Variants in OTOGL observed in about 807,000 individuals in gnomAD.
The protein encoded by OTOGL is otogelin-like protein.
A neutral mutation model predicts 318.5 loss-of-function variants in OTOGL; 285 were observed. That is an observed-to-expected ratio of 0.89 (90% CI 0.81 to 0.99). OTOGL has a LOEUF of 0.99. OTOGL is among the 50% of genes least tolerant of loss of function. The pLI is 0.00. For missense variants in OTOGL, 2,899 were observed against 2,845.6 expected, an observed-to-expected ratio of 1.02 and a Z score of -0.43; for synonymous variants, 987 against 936.5, an observed-to-expected ratio of 1.05 and a Z score of -0.99.
chr12:80,186,996 T>C (rs2137252304), intron 1 of OTOGL, among the ~76,000 whole-genome samples: 1 of 152,212 alleles, frequency 6.6e-6, no homozygotes, highest in South Asian at 2.1e-4. Context: ...AGATTGTTTG[T>C]TTATGGAGAT....
chr12:80,249,763 C>G (rs1881321691), intron 11 of OTOGL, among the ~76,000 whole-genome samples: 1 of 152,184 alleles, frequency 6.6e-6, no homozygotes, highest in Non-Finnish European at 1.5e-5. Context: ...CCTCCCCCAG[C>G]CTCGCTGCCG....
At chr12:80,294,235 T>C (rs548467923) in intron 26 of OTOGL, among the ~76,000 whole-genome samples, 5 of 152,114 alleles carry the variant, frequency 3.3e-5, no homozygotes, top group African/African-American at 1.2e-4. Flanking sequence ...ATTGCTATTG[T>C]TACAAATTAC....
chr12:80,356,581 A>C, intron 48 of OTOGL, 61 bp downstream of exon 48: 1 of 1,288,816 alleles, frequency 7.8e-7, no homozygotes, highest in Non-Finnish European at 1.1e-6. Context: ...ACAGTGAATT[A>C]GATTCTCATT....
At chr12:80,307,105 A>C (rs1335969283) in intron 29 of OTOGL, among the ~76,000 whole-genome samples, 2 of 150,640 alleles carry the variant, frequency 1.3e-5, no homozygotes. Context: ...CACATGTTTC[A>C]GAGAGCACAG....
chr12:80,278,252 G>A lies in OTOGL; in HGVS notation c.2766G>A (p.Val922=). 4 of 1,543,828 alleles carry A rather than the reference G, an allele frequency of 2.6e-6. No homozygotes were observed. Among genetic ancestry groups the A allele is most frequent in the Non-Finnish European group, 3.5e-6 (4 of 1,141,614 alleles). Residue 922 remains valine, a synonymous_variant, in exon 25 of 59, where the codon GTG becomes GTA. Transcript: ENST00000547103. Reference sequence around the variant, plus strand: ...ATTGGGAGTATCTCTCAGGAGAAGTGATTGCTACACCGTGTTACACCTGGT... The same window carrying A: ...ATTGGGAGTATCTCTCAGGAGAAGTAATTGCTACACCGTGTTACACCTGGT... ...WKDWEYLSGE[V]IATPCYTCVC...
At position 80,333,049 on chromosome 12, in the gene OTOGL, C is replaced by T; in HGVS notation, c.4393C>T (p.Leu1465=). 6.2e-7 allele frequency: 1 copy of T among 1,602,060 alleles called. No homozygotes were observed. The highest frequency in any genetic ancestry group is 8.5e-7 in the Non-Finnish European group (1 of 1,173,314). The stretch of plus-strand genomic sequence containing the variant: ...ATCAGACATCACTGTGTTTGATATG[C>T]TAACACCAACTACAGGCTTGGAATG... ...TPSDITVFDM[L]TPTTGLECEP... Residue 1465 remains leucine, a synonymous_variant, in exon 38 of 59, where the codon CTA becomes TTA. Transcript: ENST00000547103.
At chr12:80,370,543 A>T (rs1368112643) in intron 55 of OTOGL, 27 bp from the exon 56 acceptor site, 2 of 1,457,552 alleles carry the variant, frequency 1.4e-6, no homozygotes, top group Non-Finnish European at 9.1e-7. Context: ...TAATATGCTA[A>T]ATAGTAACTT....
At chr12:80,315,452 T>C (rs969756868) in intron 32 of OTOGL, among the ~76,000 whole-genome samples, 3 of 152,148 alleles carry the variant, frequency 2.0e-5, no homozygotes, top group Admixed American at 6.6e-5. Context: ...TGAAATTACT[T>C]GAAGATAGCA....
At chr12:80,128,468 G>A (rs1871003882) in intron 1 of OTOGL, among the ~76,000 whole-genome samples, 1 of 152,234 alleles carries the variant, frequency 6.6e-6, no homozygotes, top group African/African-American at 2.4e-5. Flanking sequence ...ATGCCTCCCA[G>A]TTAGGGTACT....
chr12:80,215,458 C>T (rs918320156), intron 4 of OTOGL, among the ~76,000 whole-genome samples: 2 of 152,018 alleles, frequency 1.3e-5, no homozygotes, highest in Non-Finnish European at 2.9e-5. Context: ...TGAGCCACCG[C>T]GCCCGGCCTG....
intron 4 of OTOGL, 50 bp downstream of exon 4, chr12:80,212,047 T>C (rs756040380): frequency 6.7e-7 from 1 of 1,487,358 alleles, no homozygotes; most frequent in Non-Finnish European, 9.1e-7. Flanking sequence ...ATCCATTCTG[T>C]TTTGGACTCT....
chr12:80,142,846 A>G (rs2137144881), intron 1 of OTOGL, among the ~76,000 whole-genome samples: 1 of 152,286 alleles, frequency 6.6e-6, no homozygotes, highest in East Asian at 1.9e-4. Context: ...AGGATGAGTC[A>G]GGGAAGATGT....
intron 44 of OTOGL, among the ~76,000 whole-genome samples, chr12:80,349,129 T>C (rs994605266): frequency 2.0e-5 from 3 of 152,036 alleles, no homozygotes; most frequent in Non-Finnish European, 4.4e-5. Context: ...TTAAATCGTG[T>C]GCATCATCAG....
chr12:80,373,834 C>T (rs999975606), intron 57 of OTOGL, among the ~76,000 whole-genome samples: 12 of 152,170 alleles, frequency 7.9e-5, no homozygotes, highest in Non-Finnish European at 1.2e-4. Context: ...TCTCATTTCC[C>T]GTCCTGCTTC....
chr12:80,207,266 A>G (rs1369601483), intron 1 of OTOGL, among the ~76,000 whole-genome samples: 1 of 152,088 alleles, frequency 6.6e-6, no homozygotes, highest in African/African-American at 2.4e-5. Flanking sequence ...CAATGGCACG[A>G]TCTCTGCTCA....
intron 24 of OTOGL, among the ~76,000 whole-genome samples, chr12:80,277,432 C>T (rs944879316): frequency 2.7e-5 from 4 of 145,866 alleles, no homozygotes; most frequent in South Asian, 2.1e-4. Context: ...AATTCTTACC[C>T]GAGATTAGTT....
chr12:80,315,902 A>ACACTT (rs1324281937), intron 32 of OTOGL, among the ~76,000 whole-genome samples: 1 of 152,138 alleles, frequency 6.6e-6, no homozygotes, highest in Non-Finnish European at 1.5e-5. Context: ...ACACAAACAC[A>ACACTT]CACTTCACAT....
intron 11 of OTOGL, among the ~76,000 whole-genome samples, chr12:80,242,750 C>T (rs1174179566): frequency 6.6e-6 from 1 of 152,118 alleles, no homozygotes; most frequent in Admixed American, 6.6e-5. Context: ...GTCCTAGGAA[C>T]TCATATTCTA....
intron 1 of OTOGL, among the ~76,000 whole-genome samples, chr12:80,100,584 A>G (rs1869079789): frequency 6.6e-6 from 1 of 152,182 alleles, no homozygotes; most frequent in Non-Finnish European, 1.5e-5. Flanking sequence ...TTGTTTTTCA[A>G]ACCGCTAGAA....
Sources: allele counts gnomAD v4.1 joint callset (sites outside exome capture counted in the v4.1 genomes callset), GRCh38; gene constraint gnomAD v4.1.1; transcripts MANE v1.5; gene names NCBI Gene and HGNC (gene_info 2026-07-23, HGNC 2026-07-21).